The following CADM2 variants were observed in gnomAD, a reference collection of about 807,000 sequenced individuals.
CADM2 encodes the protein cell adhesion molecule 2.
A neutral mutation model predicts 49.8 loss-of-function variants in CADM2; 12 were observed. The ratio of observed to expected loss-of-function variants is 0.24; its 90% CI spans 0.15 to 0.39. The LOEUF (loss-of-function observed/expected upper bound fraction) is 0.39. Among genes scored for constraint, CADM2 ranks in the 10% least tolerant of loss-of-function variants. CADM2 has a pLI of 1.00. For missense variants in CADM2, 378 were observed against 492.3 expected (o/e 0.77, Z 2.20); for synonymous variants, 214 against 175.4 (o/e 1.22, Z -1.74).
intron 2 of CADM2, among the ~76,000 whole-genome samples, chr3:85,746,145 G>C (rs1468709620): frequency 6.6e-6 from 1 of 152,094 alleles, no homozygotes; most frequent in Non-Finnish European, 1.5e-5. Context: ...TCCCCAAAGA[G>C]CAACTAGAAC....
rs149488444 is a variant in CADM2 at position 85,651,137 on chromosome 3, G to A, written c.62-75385G>A. On this transcript the variant is annotated intron_variant, in intron 1 of 9. Coordinates refer to ENST00000383699, the MANE Select transcript of CADM2 (RefSeq NM_001167675.2). ...AAATAAAATTTATCTTGCATAAACT[G>A]CCATAGCTTGAGTGTAGAATTATTT... 3.3e-5 allele frequency among the ~76,000 whole-genome samples: 5 copies of A among 151,802 alleles called. No individual in the cohort carries two copies. In the East Asian group the frequency reaches 9.7e-4, roughly 29 times the overall value.
chr3:85,672,017 C>T (rs746263304), intron 1 of CADM2, among the ~76,000 whole-genome samples: 1 of 151,988 alleles, frequency 6.6e-6, no homozygotes, highest in African/African-American at 2.4e-5. Flanking sequence ...TAAGGTCCTA[C>T]TATAGTATCT....
At chr3:86,057,935 C>T (rs564800221) in intron 8 of CADM2, among the ~76,000 whole-genome samples, 1 of 152,300 alleles carries the variant, frequency 6.6e-6, no homozygotes, top group Admixed American at 6.5e-5. Flanking sequence ...ATACTAAAAA[C>T]TGACTTCCAT....
chr3:86,008,112 C>CAGT (rs1731019562), intron 8 of CADM2, among the ~76,000 whole-genome samples: 1 of 152,040 alleles, frequency 6.6e-6, no homozygotes, highest in African/African-American at 2.4e-5. Flanking sequence ...GCTAATTTGA[C>CAGT]ATGTGAAAAT....
At chr3:85,491,993 A>G (rs1028148023) in intron 1 of CADM2, among the ~76,000 whole-genome samples, 31 of 151,644 alleles carry the variant, frequency 2.0e-4, no homozygotes, top group Non-Finnish European at 4.0e-4. Context: ...AGTTGTCTGT[A>G]AGGGAAAAGA....
intron 5 of CADM2, among the ~76,000 whole-genome samples, chr3:85,895,517 G>GA (rs1157747383): frequency 6.6e-6 from 1 of 152,180 alleles, no homozygotes; most frequent in East Asian, 1.9e-4. Context: ...TTAGGCTGTG[G>GA]ACTTTTGAGT....
At chr3:85,330,986 A>G (rs1307346818) in intron 1 of CADM2, among the ~76,000 whole-genome samples, 1 of 152,034 alleles carries the variant, frequency 6.6e-6, no homozygotes, top group Admixed American at 6.6e-5. Flanking sequence ...TCACTTTTTT[A>G]TTTAGAACGT....
intron 1 of CADM2, among the ~76,000 whole-genome samples, chr3:84,982,243 CAA>C (rs1167419259): frequency 6.6e-6 from 1 of 151,920 alleles, no homozygotes; most frequent in Non-Finnish European, 1.5e-5. Flanking sequence ...TGTATATAGT[CAA>C]GTGTTTTTTG....
At chr3:85,175,915 T>C (rs1377514615) in intron 1 of CADM2, among the ~76,000 whole-genome samples, 1 of 141,714 alleles carries the variant, frequency 7.1e-6, no homozygotes, top group Admixed American at 7.2e-5. Context: ...AGTTATGTCC[T>C]AATCTTTTTT....
chr3:85,043,613 A>G (rs1360095586), intron 1 of CADM2, among the ~76,000 whole-genome samples: 3 of 152,080 alleles, frequency 2.0e-5, no homozygotes, highest in Non-Finnish European at 4.4e-5. Flanking sequence ...CTGGAATTTG[A>G]GAGTGCAGTG....
chr3:85,364,455 A>G (rs2107292202), intron 1 of CADM2, among the ~76,000 whole-genome samples: 1 of 152,284 alleles, frequency 6.6e-6, no homozygotes, highest in South Asian at 2.1e-4. Context: ...AACACTATAG[A>G]TATCCATCAA....
intron 1 of CADM2, among the ~76,000 whole-genome samples, chr3:85,255,805 A>G (rs1358091132): frequency 6.6e-6 from 1 of 151,952 alleles, no homozygotes. Context: ...TTCTAATCCT[A>G]CTTCTCTATA....
chr3:85,772,301 C>T (rs149202197), intron 2 of CADM2, among the ~76,000 whole-genome samples: 4 of 151,968 alleles, frequency 2.6e-5, no homozygotes, highest in East Asian at 3.9e-4. Flanking sequence ...TTCCTAGTTA[C>T]GTTTAGCTTT....
chr3:86,038,641 T>G (rs889670451), intron 8 of CADM2, among the ~76,000 whole-genome samples: 2 of 152,234 alleles, frequency 1.3e-5, no homozygotes, highest in African/African-American at 4.8e-5. Flanking sequence ...TTCTACATTC[T>G]ATTACATTTT....
At chr3:85,026,711 A>G (rs2034744414) in intron 1 of CADM2, among the ~76,000 whole-genome samples, 1 of 152,196 alleles carries the variant, frequency 6.6e-6, no homozygotes, top group Admixed American at 6.5e-5. Context: ...TTGAATATAG[A>G]AGTTACCCAG....
At chr3:85,074,012 C>T (rs979957426) in intron 1 of CADM2, among the ~76,000 whole-genome samples, 4 of 151,938 alleles carry the variant, frequency 2.6e-5, no homozygotes, top group Admixed American at 1.3e-4. Flanking sequence ...TTAAATGTAA[C>T]GTACAATTAA....
chr3:85,749,590 TA>T (rs11328359), intron 2 of CADM2, among the ~76,000 whole-genome samples: 15,786 of 151,948 alleles, frequency 0.1, 925 homozygotes, highest in South Asian at 0.12. Flanking sequence ...AAATAAATTT[TA>T]AAAATGCTGA....
chr3:85,202,890 C>G (rs903425968), intron 1 of CADM2, among the ~76,000 whole-genome samples: 2 of 152,212 alleles, frequency 1.3e-5, no homozygotes, highest in African/African-American at 4.8e-5. Flanking sequence ...TCTACACCAG[C>G]ATTGGCTGCT....
chr3:85,347,879 C>T (rs546807072), intron 1 of CADM2, among the ~76,000 whole-genome samples: 149 of 151,544 alleles, frequency 9.8e-4, no homozygotes, highest in South Asian at 2.9e-3. Flanking sequence ...ACGATCTCCG[C>T]TCAGTGCAAG....
Sources: gnomAD v4.1 joint callset for allele counts (sites outside exome capture counted in the v4.1 genomes callset) on GRCh38, gnomAD v4.1.1 for gene constraint, MANE v1.5 for transcripts, NCBI Gene and HGNC (gene_info 2026-07-23, HGNC 2026-07-21) for gene names.